RBFOX1: variants seen among roughly 807,000 people sequenced by gnomAD.
The protein encoded by RBFOX1 is RNA binding protein fox-1 homolog 1.
In RBFOX1, 8 loss-of-function variants were observed where a neutral mutation model predicts 57.7. The ratio of observed to expected loss-of-function variants is 0.14; its 90% CI spans 0.08 to 0.25. The LOEUF is 0.25. Ranked by LOEUF, RBFOX1 falls within the 10% of genes least tolerant of loss-of-function variation. The probability of loss-of-function intolerance (pLI) is 1.00; values close to 1 mark genes in which losing one functional copy is unlikely to be tolerated. For missense variants in RBFOX1, 611 were observed against 548.5 expected (o/e 1.11, Z -1.14); for synonymous variants, 326 against 222.4 (o/e 1.47, Z -4.15).
intron 4 of RBFOX1, among the ~76,000 whole-genome samples, chr16:5,884,390 G>A (rs1234731005): frequency 6.6e-6 from 1 of 152,012 alleles, no homozygotes; most frequent in Non-Finnish European, 1.5e-5. Context: ...GGCTTTGCCT[G>A]GTGCCTATGG....
chr16:7,438,353 G>C (rs779528191), intron 4 of RBFOX1, among the ~76,000 whole-genome samples: 7 of 152,046 alleles, frequency 4.6e-5, no homozygotes, highest in African/African-American at 7.2e-5. Flanking sequence ...TCCATGGTTT[G>C]GGTCCTCTGG....
intron 2 of RBFOX1, among the ~76,000 whole-genome samples, chr16:5,544,951 C>CTTTTTTTTTTTTTTTTTTTTTTTTTTT (rs59873374): frequency 2.4e-5 from 3 of 124,412 alleles, no homozygotes; most frequent in Non-Finnish European, 4.9e-5. Flanking sequence ...CTATTACATT[C>CTTTTTTTTTTTTTTTTTTTTTTTTTTT]TTTTTTTTTT....
chr16:6,603,766 G>T (rs2097886884), intron 2 of RBFOX1, among the ~76,000 whole-genome samples: 1 of 152,112 alleles, frequency 6.6e-6, no homozygotes, highest in South Asian at 2.1e-4. Flanking sequence ...TAATATTAGG[G>T]TTAACATCTG....
At chr16:6,760,432 T>C (rs947437319) in intron 3 of RBFOX1, among the ~76,000 whole-genome samples, 2 of 152,212 alleles carry the variant, frequency 1.3e-5, no homozygotes, top group South Asian at 4.1e-4. Flanking sequence ...AGTGATACTT[T>C]AATGTTTAAG....
intron 12 of RBFOX1, among the ~76,000 whole-genome samples, chr16:7,662,142 G>C (rs2067921194): frequency 6.6e-6 from 1 of 152,172 alleles, no homozygotes; most frequent in African/African-American, 2.4e-5. Flanking sequence ...CAAGGCCTGG[G>C]ATCAATTCTT....
chr16:5,933,668 C>G (rs753077419), intron 4 of RBFOX1, among the ~76,000 whole-genome samples: 9 of 152,110 alleles, frequency 5.9e-5, no homozygotes, highest in Non-Finnish European at 1.2e-4. Context: ...TGTTCTCTTT[C>G]TGGGCCTTTC....
intron 2 of RBFOX1, among the ~76,000 whole-genome samples, chr16:6,525,902 A>G (rs948512499): frequency 2.0e-5 from 3 of 152,188 alleles, no homozygotes; most frequent in East Asian, 1.9e-4. Context: ...CATAGCACAC[A>G]GGAAATGCCT....
intron 2 of RBFOX1, among the ~76,000 whole-genome samples, chr16:6,631,051 A>G (rs1469104249): frequency 6.6e-6 from 1 of 152,342 alleles, no homozygotes; most frequent in East Asian, 1.9e-4. Flanking sequence ...ATGATGTTTA[A>G]TATGAATGAA....
At chr16:5,310,187 GC>G (rs2064047651) in intron 1 of RBFOX1, among the ~76,000 whole-genome samples, 1 of 152,076 alleles carries the variant, frequency 6.6e-6, no homozygotes, top group Admixed American at 6.5e-5. Flanking sequence ...TCACTCGAGG[GC>G]AGGAGTTTGA....
intron 3 of RBFOX1, among the ~76,000 whole-genome samples, chr16:6,840,270 G>A (rs916491224): frequency 1.3e-5 from 2 of 152,148 alleles, no homozygotes; most frequent in African/African-American, 4.8e-5. Context: ...GGAACACACT[G>A]AAAGACCTTC....
At chr16:6,647,604 T>C (rs1056485779) in intron 2 of RBFOX1, among the ~76,000 whole-genome samples, 3 of 152,120 alleles carry the variant, frequency 2.0e-5, no homozygotes, top group Admixed American at 6.5e-5. Flanking sequence ...AGAGTTCCCA[T>C]CTCCAAATAC....
intron 3 of RBFOX1, among the ~76,000 whole-genome samples, chr16:6,746,102 T>C (rs2154186923): frequency 6.6e-6 from 1 of 152,156 alleles, no homozygotes; most frequent in Non-Finnish European, 1.5e-5. Context: ...AACTACAGAA[T>C]AGCTGAGAGG....
intron 2 of RBFOX1, among the ~76,000 whole-genome samples, chr16:6,456,905 T>C (rs1352757831): frequency 6.6e-6 from 1 of 152,126 alleles, no homozygotes; most frequent in African/African-American, 2.4e-5. Flanking sequence ...AGAGAAAGTA[T>C]TGGGTCTTAG....
At chr16:5,756,496 CCTT>C (rs1389536608) in intron 3 of RBFOX1, among the ~76,000 whole-genome samples, 1 of 152,154 alleles carries the variant, frequency 6.6e-6, no homozygotes, top group Admixed American at 6.5e-5. Context: ...TTTCTTACCT[CCTT>C]CTCCATCCAG....
At chr16:6,795,304 C>G (rs2083751008) in intron 3 of RBFOX1, among the ~76,000 whole-genome samples, 1 of 152,066 alleles carries the variant, frequency 6.6e-6, no homozygotes, top group African/African-American at 2.4e-5. Flanking sequence ...TCATCTAATT[C>G]AGTGATTTTT....
chr16:7,640,865 G>T (rs573456156), intron 11 of RBFOX1, among the ~76,000 whole-genome samples: 1 of 148,592 alleles, frequency 6.7e-6, no homozygotes, highest in East Asian at 2.0e-4. Context: ...GCACTTATCT[G>T]CCCTTTATTT....
At chr16:5,516,403 C>T (rs925455191) in intron 2 of RBFOX1, among the ~76,000 whole-genome samples, 1 of 152,082 alleles carries the variant, frequency 6.6e-6, no homozygotes, top group Admixed American at 6.6e-5. Flanking sequence ...CTCCCATCAC[C>T]TCTTATATTC....
intron 3 of RBFOX1, among the ~76,000 whole-genome samples, chr16:5,818,877 G>T (rs1306503773): frequency 6.6e-6 from 1 of 152,188 alleles, no homozygotes; most frequent in East Asian, 1.9e-4. Context: ...CATAGTCTGT[G>T]TAAATGGTTC....
intron 2 of RBFOX1, among the ~76,000 whole-genome samples, chr16:6,557,959 C>T (rs896495525): frequency 3.3e-5 from 5 of 152,176 alleles, no homozygotes; most frequent in African/African-American, 1.2e-4. Flanking sequence ...TAAATTCTTT[C>T]TTGCCACAAC....
Sources: allele counts gnomAD v4.1 joint callset (sites outside exome capture counted in the v4.1 genomes callset), GRCh38; gene constraint gnomAD v4.1.1; transcripts MANE v1.5; gene names NCBI Gene and HGNC (gene_info 2026-07-23, HGNC 2026-07-21).